Variants in LCOR observed in about 807,000 individuals in gnomAD.
The protein encoded by LCOR is ligand dependent nuclear receptor corepressor.
In LCOR, 14 loss-of-function variants were observed where a neutral mutation model predicts 64.4. The observed-to-expected ratio is 0.22, with a 90% CI of 0.14 to 0.34. The LOEUF is 0.34. Ranked by LOEUF, LCOR falls within the 10% of genes least tolerant of loss-of-function variation. LCOR has a pLI of 1.00. For missense variants in LCOR, 1,686 were observed against 1,765.3 expected (o/e 0.96, Z 0.80); for synonymous variants, 643 against 642.5 (o/e 1.00, Z -0.01).
Position 96,995,548 on chromosome 10 carries a change from AC to A in LCOR, c.*10415del, listed in dbSNP as rs995809850. On this transcript the variant is annotated 3_prime_UTR_variant, in exon 8 of 8. Transcript: ENST00000421806. This position sits in a 1 kb window ranked among gnomAD's most constrained non-coding sequence, Gnocchi z 4.2. ...TGAAATTTTTCATTAGACAATGTTT[AC>A]ATACCTCACCTGAAGAACCTTTGAG... 1.3e-5 allele frequency: 2 copies of A among 152,244 alleles called. No homozygotes were observed. The allele number at this position is 152,244 out of a possible 1,614,324, so 9.4% of individuals were successfully genotyped here.
intron 2 of LCOR, among the ~76,000 whole-genome samples, chr10:96,842,636 T>C (rs1307834785): frequency 2.0e-5 from 3 of 149,140 alleles, no homozygotes; most frequent in African/African-American, 7.4e-5. Flanking sequence ...TCTTTTCTTT[T>C]TTTTTTTTTT....
chr10:96,984,331 G>A lies in LCOR; in HGVS notation c.3871G>A (p.Glu1291Lys), dbSNP rs1438518758. 2 of 1,614,106 alleles carry A rather than the reference G, an allele frequency of 1.2e-6. No individual in the cohort carries two copies. Among genetic ancestry groups the A allele is most frequent in the Non-Finnish European group, 1.7e-6 (2 of 1,180,028 alleles). ...TGAAGACAGCATAGAGGAAGTCAAG[G>A]AAGATAGAAACAGTCATCCTCCAGC... ...NSEDSIEEVK[E>K]DRNSHPPANL... The change falls in exon 8 of 8, where the codon GAA (glutamate) becomes AAA (lysine). Residue 1291 changes from glutamate to lysine, a missense_variant. By Grantham distance (56) the Glu-to-Lys change is moderately conservative (BLOSUM62 1). Around this residue, in one of 3 missense-constraint regions of LCOR, gnomAD observed 1,293 missense variants for 1,410.4 expected, o/e 0.92. Coordinates refer to ENST00000421806, the MANE Select transcript of LCOR (RefSeq NM_001346516.2).
intron 4 of LCOR, among the ~76,000 whole-genome samples, chr10:96,920,749 T>TTC (rs1491438856): frequency 5.0e-5 from 4 of 80,368 alleles, no homozygotes; most frequent in East Asian, 4.6e-4. Flanking sequence ...TGTATATATG[T>TTC]ATACACACAC....
intron 4 of LCOR, among the ~76,000 whole-genome samples, chr10:96,925,529 T>C (rs1199214574): frequency 6.6e-6 from 1 of 152,218 alleles, no homozygotes; most frequent in South Asian, 2.1e-4. Flanking sequence ...TATATCCTCC[T>C]TTATGCATCA....
At position 96,989,134 on chromosome 10, in the gene LCOR, TA is replaced by T. The variant is rs1848174047; in HGVS notation, c.*4001del. On this transcript the variant is annotated 3_prime_UTR_variant, in exon 8 of 8. Transcript: ENST00000421806. ...GGAGACATGTTATATCGATATGCACTACTATCCCCTTAAACTTGAGCAACCT... is the reference window on the plus strand; with the variant it reads ...GGAGACATGTTATATCGATATGCACTCTATCCCCTTAAACTTGAGCAACCT... 1 of 152,210 alleles carries T rather than the reference TA, an allele frequency of 6.6e-6. No homozygotes were observed. Among genetic ancestry groups the T allele is most frequent in the Admixed American group, 6.5e-5 (1 of 15,280 alleles). The allele number at this position is 152,210 out of a possible 1,614,324, so 9.4% of individuals were successfully genotyped here.
chr10:96,912,607 T>TCTTCCTTC (rs80278478), intron 4 of LCOR, among the ~76,000 whole-genome samples: 4,052 of 140,338 alleles, frequency 0.029, 127 homozygotes, highest in African/African-American at 0.081. Context: ...TTTCTTCCTT[T>TCTTCCTTC]CTTCCTTCCT....
chr10:96,976,200 A>T (rs1848039121), intron 7 of LCOR, among the ~76,000 whole-genome samples: 1 of 152,094 alleles, frequency 6.6e-6, no homozygotes, highest in Non-Finnish European at 1.5e-5. Flanking sequence ...TTTTTTGTTG[A>T]TGCCATTTTC....
intron 4 of LCOR, among the ~76,000 whole-genome samples, chr10:96,916,526 A>C (rs1303963136): frequency 6.6e-6 from 1 of 151,582 alleles, no homozygotes; most frequent in Non-Finnish European, 1.5e-5. Context: ...CTATGGAAGA[A>C]AAAATTTCAA....
intron 7 of LCOR, chr10:96,956,168 T>TA (rs1328955582): frequency 1.6e-6 from 2 of 1,282,872 alleles, no homozygotes; most frequent in African/African-American, 3.0e-5. Flanking sequence ...AGAATTGAGT[T>TA]ACCTCACAGA....
chr10:96,834,428 A>G (rs1041900325), intron 2 of LCOR, among the ~76,000 whole-genome samples: 5 of 152,158 alleles, frequency 3.3e-5, no homozygotes, highest in Admixed American at 6.5e-5. Context: ...ACTCTGCTCT[A>G]TCTCTGCTTG....
At chr10:96,969,173 T>C (rs1847975836) in intron 7 of LCOR, among the ~76,000 whole-genome samples, 1 of 152,172 alleles carries the variant, frequency 6.6e-6, no homozygotes, top group African/African-American at 2.4e-5. Context: ...GTGTGAGGGA[T>C]AGAAGAGTGA....
At chr10:96,960,173 A>G (rs1461740504) in intron 7 of LCOR, 4 of 152,178 alleles carry the variant, frequency 2.6e-5, no homozygotes, top group African/African-American at 9.7e-5. Flanking sequence ...GTACATAGCA[A>G]CCTTTGAGCT....
At chr10:96,974,694 C>G (rs2134557223) in intron 7 of LCOR, among the ~76,000 whole-genome samples, 1 of 152,124 alleles carries the variant, frequency 6.6e-6, no homozygotes, top group African/African-American at 2.4e-5. Flanking sequence ...GGGTTTGTTA[C>G]AAATCTAAGG....
At chr10:96,865,735 G>A (rs1252336802) in intron 2 of LCOR, among the ~76,000 whole-genome samples, 3 of 152,000 alleles carry the variant, frequency 2.0e-5, no homozygotes, top group Non-Finnish European at 4.4e-5. Flanking sequence ...TTAGTCGGGT[G>A]TGGTGGCAGG....
chr10:96,848,733 C>G (rs12219631), intron 2 of LCOR, among the ~76,000 whole-genome samples: 2 of 152,050 alleles, frequency 1.3e-5, no homozygotes, highest in Non-Finnish European at 2.9e-5. Flanking sequence ...ATCTGAGGAT[C>G]TTCAGATTAT....
At chr10:96,971,540 A>T (rs947454417) in intron 7 of LCOR, among the ~76,000 whole-genome samples, 1 of 152,164 alleles carries the variant, frequency 6.6e-6, no homozygotes, top group African/African-American at 2.4e-5. Context: ...TTAACAAAAG[A>T]TACAAGCAGA....
intron 7 of LCOR, among the ~76,000 whole-genome samples, chr10:96,977,102 A>G (rs1390519386): frequency 1.3e-5 from 2 of 152,258 alleles, no homozygotes; most frequent in Admixed American, 1.3e-4. Flanking sequence ...TCAGGAACAT[A>G]TCAGGAACTA....
At chr10:96,965,661 CA>C (rs755222216) in intron 7 of LCOR, among the ~76,000 whole-genome samples, 20,134 of 65,586 alleles carry the variant, frequency 0.31, 1,174 homozygotes, top group African/African-American at 0.42. Context: ...GACTCTGTCT[CA>C]AAAAAAAAAA....
At chr10:96,946,620 T>C (rs1021767545) in intron 5 of LCOR, among the ~76,000 whole-genome samples, 2 of 152,098 alleles carry the variant, frequency 1.3e-5, no homozygotes, top group Non-Finnish European at 2.9e-5. Context: ...TGGATATGTT[T>C]GTAGATGTGT....
Sources: allele counts gnomAD v4.1 joint callset (sites outside exome capture counted in the v4.1 genomes callset), GRCh38; gene constraint gnomAD v4.1.1; regional missense constraint gnomAD v4.1.1; non-coding constraint Gnocchi (gnomAD v3.1); transcripts MANE v1.5; gene names NCBI Gene and HGNC (gene_info 2026-07-23, HGNC 2026-07-21).